The following TNIK variants were observed in gnomAD, a reference collection of about 807,000 sequenced individuals.
TNIK encodes TRAF2 and NCK-interacting protein kinase.
TNIK carries 49 observed loss-of-function variants against 191.3 expected under a neutral mutation model. The ratio of observed to expected loss-of-function variants is 0.26; its 90% CI spans 0.20 to 0.32. The LOEUF is 0.32. TNIK is among the 10% of genes least tolerant of loss of function. The pLI, the probability that TNIK is intolerant of heterozygous loss-of-function variation, is 1.00. For synonymous variants in TNIK, 594 were observed against 600.9 expected, an observed-to-expected ratio of 0.99 and a Z score of 0.17; for missense variants, 1,155 against 1,702.3, an observed-to-expected ratio of 0.68 and a Z score of 5.66.
chr3:171,118,296 A>C (rs957895443), intron 18 of TNIK, among the ~76,000 whole-genome samples: 1 of 152,236 alleles, frequency 6.6e-6, no homozygotes, highest in African/African-American at 2.4e-5. Flanking sequence ...AGAGGATACA[A>C]AGAAATGGAA....
At chr3:171,213,831 G>T (rs1327285952) in intron 3 of TNIK, among the ~76,000 whole-genome samples, 1 of 151,962 alleles carries the variant, frequency 6.6e-6, no homozygotes, top group Non-Finnish European at 1.5e-5. Context: ...TATCTTTTTG[G>T]ACCCTAAGTT....
In TNIK at chr3:171,366,316, T is replaced by C. The variant is rs1237379739; in HGVS notation, c.123+3304A>G. Among the ~76,000 whole-genome samples the C allele has an allele frequency of 6.6e-6, 1 of 152,164 alleles. No individual in the cohort carries two copies. The highest frequency in any genetic ancestry group is 1.5e-5 in the Non-Finnish European group (1 of 68,012). On this transcript the variant is annotated intron_variant, in intron 2 of 32. Coordinates refer to ENST00000436636, the MANE Select transcript of TNIK (RefSeq NM_015028.4). The surrounding 1 kb of genome is among the most constrained non-coding windows in gnomAD (Gnocchi z 4.1). ...ACTTGATTAGATGGGACTAAAATGC[T>C]AAAGATAAACAAATCTAACCTTGCC... is the stretch of plus-strand genomic sequence containing the variant.
At chr3:171,090,405 TTTTTCTTTC>T (rs908907259) in intron 23 of TNIK, among the ~76,000 whole-genome samples, 23 of 151,556 alleles carry the variant, frequency 1.5e-4, no homozygotes, top group Admixed American at 3.3e-4. Flanking sequence ...AATGTTCTTT[TTTTTCTTTC>T]TTTTCTTTCT....
intron 2 of TNIK, among the ~76,000 whole-genome samples, chr3:171,338,114 G>A (rs559314958): frequency 1.3e-5 from 2 of 152,198 alleles, no homozygotes; most frequent in East Asian, 1.9e-4. Context: ...TGTGGATTGC[G>A]GGAAGATATC....
At chr3:171,104,329 T>A (rs901438356) in intron 21 of TNIK, among the ~76,000 whole-genome samples, 6 of 152,142 alleles carry the variant, frequency 3.9e-5, no homozygotes, top group Non-Finnish European at 8.8e-5. Flanking sequence ...TTCATATATT[T>A]TATTCTTTGA....
chr3:171,066,796 A>C, intron 30 of TNIK, 61 bp from the exon 31 acceptor site: 1 of 1,534,220 alleles, frequency 6.5e-7, no homozygotes, highest in Non-Finnish European at 8.8e-7. Flanking sequence ...TTGACTATTC[A>C]TCTCTAACAA....
At chr3:171,227,204 T>C (rs1743072333) in intron 3 of TNIK, among the ~76,000 whole-genome samples, 1 of 152,192 alleles carries the variant, frequency 6.6e-6, no homozygotes, top group Non-Finnish European at 1.5e-5. Flanking sequence ...TAAGTAGGCT[T>C]AGCAAAAGGA....
intron 1 of TNIK, among the ~76,000 whole-genome samples, chr3:171,437,479 G>A (rs1726170475): frequency 6.6e-6 from 1 of 152,190 alleles, no homozygotes; most frequent in Admixed American, 6.5e-5. Context: ...CATAGGCAGG[G>A]GAGGCTTTTA....
chr3:171,259,521 C>CA (rs1747329675), intron 2 of TNIK, among the ~76,000 whole-genome samples: 1 of 152,152 alleles, frequency 6.6e-6, no homozygotes, highest in Non-Finnish European at 1.5e-5. Flanking sequence ...GAAAGGATTC[C>CA]AGTGCCTTAC....
At chr3:171,356,691 T>A (rs1041586013) in intron 2 of TNIK, among the ~76,000 whole-genome samples, 3 of 152,154 alleles carry the variant, frequency 2.0e-5, no homozygotes, top group African/African-American at 7.2e-5. Flanking sequence ...GTAAGATAAT[T>A]TAGGCGACTC....
intron 23 of TNIK, among the ~76,000 whole-genome samples, chr3:171,091,337 C>T (rs1315210479): frequency 6.6e-6 from 1 of 152,178 alleles, no homozygotes; most frequent in Non-Finnish European, 1.5e-5. Context: ...CTCATCTTCA[C>T]CCAGCTTCCA....
intron 30 of TNIK, 122 bp downstream of exon 30, chr3:171,068,726 A>T (rs868028887): frequency 2.2e-5 from 21 of 975,290 alleles, no homozygotes; most frequent in Non-Finnish European, 2.9e-5. Flanking sequence ...ATGAAGAACG[A>T]AAGTCCATTT....
At chr3:171,227,857 G>A (rs889438525) in intron 3 of TNIK, among the ~76,000 whole-genome samples, 7 of 152,208 alleles carry the variant, frequency 4.6e-5, no homozygotes, top group African/African-American at 1.7e-4. Context: ...CATACTGCAA[G>A]TACCTGTACA....
chr3:171,298,194 G>T (rs1488386426), intron 2 of TNIK, among the ~76,000 whole-genome samples: 1 of 152,158 alleles, frequency 6.6e-6, no homozygotes, highest in Non-Finnish European at 1.5e-5. Context: ...ACTGTACATG[G>T]AGCAACTGTA....
At chr3:171,389,711 A>T (rs142311275) in intron 1 of TNIK, among the ~76,000 whole-genome samples, 1 of 152,292 alleles carries the variant, frequency 6.6e-6, no homozygotes, top group African/African-American at 2.4e-5. Flanking sequence ...GTTTGTGTTA[A>T]AATTGAAGTG....
chr3:171,082,174 T>C (rs1008743708), intron 27 of TNIK, 77 bp downstream of exon 27: 1 of 1,530,956 alleles, frequency 6.5e-7, no homozygotes, highest in Admixed American at 1.9e-5. Context: ...AGGGCAGAAC[T>C]AACTGTTTCT....
chr3:171,241,695 C>T (rs763600135), intron 2 of TNIK, among the ~76,000 whole-genome samples: 2 of 152,160 alleles, frequency 1.3e-5, no homozygotes, highest in Non-Finnish European at 2.9e-5. Context: ...CAGCAGCCAA[C>T]AGATCTACCT....
chr3:171,170,584 T>C (rs1014303472), intron 9 of TNIK, among the ~76,000 whole-genome samples: 2 of 152,218 alleles, frequency 1.3e-5, no homozygotes, highest in African/African-American at 4.8e-5. Flanking sequence ...AAAAAAGTTA[T>C]GATAAGTGAA....
intron 15 of TNIK, among the ~76,000 whole-genome samples, chr3:171,134,931 C>T (rs6444964): frequency 2.6e-5 from 4 of 152,222 alleles, no homozygotes; most frequent in Admixed American, 1.3e-4. Context: ...CTTGATGAGA[C>T]GGCATAGAGC....
Sources: allele counts gnomAD v4.1 joint callset (sites outside exome capture counted in the v4.1 genomes callset), GRCh38; gene constraint gnomAD v4.1.1; non-coding constraint Gnocchi (gnomAD v3.1); transcripts MANE v1.5; gene names NCBI Gene and HGNC (gene_info 2026-07-23, HGNC 2026-07-21).